CTBP2: variants seen among roughly 807,000 people sequenced by gnomAD.
CTBP2 encodes C-terminal binding protein 2, also known as C-terminal-binding protein 2.
CTBP2 carries 30 observed loss-of-function variants against 80.3 expected under a neutral mutation model. The ratio of observed to expected loss-of-function variants is 0.37; its 90% CI spans 0.28 to 0.51. CTBP2 has a LOEUF of 0.51. CTBP2 is among the 20% of genes least tolerant of loss of function. The pLI is 0.93. For missense variants in CTBP2, 1,212 were observed against 1,375.3 expected (o/e 0.88, Z 1.88); for synonymous variants, 594 against 587.4 (o/e 1.01, Z -0.16).
chr10:125,087,428 C>A (rs1034828063), intron 2 of CTBP2, among the ~76,000 whole-genome samples: 4 of 152,144 alleles, frequency 2.6e-5, no homozygotes, highest in Admixed American at 1.3e-4. Flanking sequence ...GCATGATGCG[C>A]TGGGCCGTCC....
rs147571820 is a variant in CTBP2, at chr10:124,992,754, C to G, written c.2718G>C (p.Ala906=). ...CTTGCTGGTCTATTACTGACCAAGG[C>G]GCTGATGTGACAAAGAATTCCTTGT... The change falls in exon 8 of 9, where the codon GCG becomes GCC. Residue 906 remains alanine (A), a synonymous_variant. Transcript: ENST00000309035. 4 of 1,609,788 alleles carry G rather than the reference C, an allele frequency of 2.5e-6. No individual in the cohort carries two copies. The African/African-American group carries it at 5.3e-5, about 22-fold the overall frequency.
intron 1 of CTBP2, among the ~76,000 whole-genome samples, chr10:125,127,902 C>G (rs1855530706): frequency 6.6e-6 from 1 of 152,196 alleles, no homozygotes; most frequent in Non-Finnish European, 1.5e-5. Flanking sequence ...AATCTCAACC[C>G]CTATTACGGC....
chr10:125,058,872 C>T (rs150647402), intron 2 of CTBP2, among the ~76,000 whole-genome samples: 8 of 152,064 alleles, frequency 5.3e-5, no homozygotes, highest in South Asian at 2.1e-4. Flanking sequence ...CCAGCCTGGG[C>T]GACAGGGTGA....
At chr10:125,040,173 G>A (rs1315172246) in intron 2 of CTBP2, among the ~76,000 whole-genome samples, 3 of 152,118 alleles carry the variant, frequency 2.0e-5, no homozygotes, top group African/African-American at 7.2e-5. Flanking sequence ...AATGAATCTT[G>A]GCCAGGCACG....
At chr10:125,108,527 A>G (rs1314076053) in intron 2 of CTBP2, among the ~76,000 whole-genome samples, 1 of 152,218 alleles carries the variant, frequency 6.6e-6, no homozygotes, top group East Asian at 1.9e-4. Context: ...TTACAATCCC[A>G]CATGACCTCC....
chr10:125,106,218 T>A (rs537399298), intron 2 of CTBP2, among the ~76,000 whole-genome samples: 4,076 of 152,082 alleles, frequency 0.027, 176 homozygotes, highest in African/African-American at 0.093. Flanking sequence ...GCGGCCCCAC[T>A]TCACATGGAC....
chr10:125,135,880 T>C (rs1366337640), intron 1 of CTBP2, among the ~76,000 whole-genome samples: 1 of 152,164 alleles, frequency 6.6e-6, no homozygotes, highest in Non-Finnish European at 1.5e-5. Context: ...CAGGGCAGCC[T>C]TCTGCCCTCT....
chr10:125,146,046 C>T (rs555502461), intron 1 of CTBP2, among the ~76,000 whole-genome samples: 1 of 152,012 alleles, frequency 6.6e-6, no homozygotes, highest in Admixed American at 6.6e-5. Flanking sequence ...GCCTCAGCCT[C>T]CCGATTAGCT....
intron 1 of CTBP2, among the ~76,000 whole-genome samples, chr10:125,013,437 T>TTA (rs1389993322): frequency 5.3e-5 from 8 of 152,172 alleles, no homozygotes; most frequent in African/African-American, 1.9e-4. Context: ...TCAGCCTCTT[T>TTA]TACTTAATTG....
At chr10:125,054,826 C>A (rs1963539749) in intron 2 of CTBP2, among the ~76,000 whole-genome samples, 1 of 152,208 alleles carries the variant, frequency 6.6e-6, no homozygotes, top group African/African-American at 2.4e-5. Flanking sequence ...CTCCGCTGCC[C>A]AGACTGACAT....
At chr10:125,103,135 A>G (rs1056738898) in intron 2 of CTBP2, among the ~76,000 whole-genome samples, 4 of 152,188 alleles carry the variant, frequency 2.6e-5, no homozygotes, top group African/African-American at 7.2e-5. Flanking sequence ...AACAGGTAGT[A>G]TAACATGCTG....
chr10:125,120,950 A>G (rs192221089), intron 1 of CTBP2, among the ~76,000 whole-genome samples: 8 of 152,206 alleles, frequency 5.3e-5, no homozygotes, highest in African/African-American at 1.9e-4. Flanking sequence ...TGACTCTCTC[A>G]CATTGCCTTC....
upstream of CTBP2, chr10:125,161,150 C>T (rs1028892456): frequency 6.6e-6 from 1 of 151,460 alleles, no homozygotes; most frequent in Non-Finnish European, 1.5e-5. Context: ...CCTTCAGATA[C>T]TCCTCACTAC....
At chr10:125,055,892 C>A (rs187781589) in intron 2 of CTBP2, among the ~76,000 whole-genome samples, 1 of 152,104 alleles carries the variant, frequency 6.6e-6, no homozygotes, top group Admixed American at 6.5e-5. Flanking sequence ...ACTGGCCAGG[C>A]GTGGCAGCTC....
chr10:124,986,945 T>A lies in CTBP2; in HGVS notation c.*2573A>T, dbSNP rs1952061079. The stretch of plus-strand genomic sequence containing the variant: ...ACTGTGTGTTGTGGTCTGGTGAGTG[T>A]TGTTTCCCCTGAGCGCTCTATTATT... On this transcript the variant is annotated 3_prime_UTR_variant, in exon 9 of 9. Transcript: ENST00000309035. 1 of 152,242 alleles carries A rather than the reference T, an allele frequency of 6.6e-6. No individual in the cohort carries two copies. The highest frequency in any genetic ancestry group is 2.1e-4 in the South Asian group (1 of 4,822). 9.4% of individuals were successfully genotyped at this position (152,242 alleles called of 1,614,324 possible). A position where few individuals can be genotyped will look rare whatever the true frequency, so the allele number is the denominator to read the frequency against.
intron 1 of CTBP2, among the ~76,000 whole-genome samples, chr10:125,152,514 G>A (rs1860178208): frequency 6.6e-6 from 1 of 152,190 alleles, no homozygotes; most frequent in Admixed American, 6.5e-5. Flanking sequence ...CTTGGGGGAG[G>A]CAATTCAATA....
At chr10:125,083,144 G>A (rs1847432656) in intron 2 of CTBP2, among the ~76,000 whole-genome samples, 1 of 152,134 alleles carries the variant, frequency 6.6e-6, no homozygotes, top group African/African-American at 2.4e-5. Context: ...AACACGTGTT[G>A]GACTAAATAA....
intron 1 of CTBP2, among the ~76,000 whole-genome samples, chr10:125,005,380 C>A (rs560317135): frequency 5.6e-4 from 85 of 152,290 alleles, no homozygotes; most frequent in Non-Finnish European, 1.1e-3. Context: ...GCTCAGACAC[C>A]AAAGGCACAC....
chr10:125,133,560 T>A (rs1270786971), intron 1 of CTBP2: 1 of 152,284 alleles, frequency 6.6e-6, no homozygotes, highest in Non-Finnish European at 1.5e-5. Context: ...CAGGGCCACC[T>A]CTTCGGAGGG....
Sources: allele counts gnomAD v4.1 joint callset (sites outside exome capture counted in the v4.1 genomes callset), GRCh38; gene constraint gnomAD v4.1.1; transcripts MANE v1.5; gene names NCBI Gene and HGNC (gene_info 2026-07-23, HGNC 2026-07-21).